Variants in CDC42BPB observed in about 807,000 individuals in gnomAD.
CDC42BPB encodes serine/threonine-protein kinase MRCK beta.
CDC42BPB carries 37 observed loss-of-function variants against 214.9 expected under a neutral mutation model. That is an observed-to-expected ratio of 0.17 (90% CI 0.13 to 0.23). The LOEUF (loss-of-function observed/expected upper bound fraction) is 0.23. Ranked by LOEUF, CDC42BPB falls within the 10% of genes least tolerant of loss-of-function variation. CDC42BPB has a pLI of 1.00. For missense variants in CDC42BPB, 1,694 were observed against 2,227.0 expected, an observed-to-expected ratio of 0.76 and a Z score of 4.82; for synonymous variants, 931 against 884.0, an observed-to-expected ratio of 1.05 and a Z score of -0.94.
At position 102,945,701 on chromosome 14, in the gene CDC42BPB, G is replaced by C; in HGVS notation, c.3772C>G (p.Leu1258Val). 3 of 1,612,876 alleles carry C rather than the reference G, an allele frequency of 1.9e-6. No homozygotes were observed. Among genetic ancestry groups the C allele is most frequent in the Middle Eastern group, 3.3e-4 (2 of 6,056 alleles). Residue 1258 changes from leucine (L) to valine (V), a missense_variant, in exon 29 of 37, where the codon CTA (leucine) becomes GTA (valine). Coordinates refer to ENST00000361246, the MANE Select transcript of CDC42BPB (RefSeq NM_006035.4). ...TCTATGACATAGAGCCCTTCTTCTA[G>C]GCCGACTGCAATCCTGTCTGCATCT... ...IVDADRIAVG[L>V]EEGLYVIEVT...
intron 26 of CDC42BPB, 85 bp downstream of exon 26, chr14:102,949,680 G>A: frequency 6.5e-7 from 1 of 1,541,458 alleles, no homozygotes; most frequent in Middle Eastern, 1.7e-4. Context: ...TGAGGTGAAA[G>A]ACTACTAAGG....
intron 1 of CDC42BPB, among the ~76,000 whole-genome samples, chr14:103,045,803 G>A (rs1304132122): frequency 6.6e-6 from 1 of 152,154 alleles, no homozygotes; most frequent in Non-Finnish European, 1.5e-5. Context: ...CCACAGCGGC[G>A]CATAATCACA....
rs1162961007 is a variant in CDC42BPB, at chr14:102,943,745, C to T, written c.4408+146G>A. The stretch of plus-strand genomic sequence containing the variant: ...GAGATCTGAACCATGCTCTCTGCTG[C>T]GGGCTGGCATGGGGCCCACCTCTCC... On this transcript the variant is annotated intron_variant, in intron 30 of 36. Coordinates refer to ENST00000361246, the MANE Select transcript of CDC42BPB (RefSeq NM_006035.4). The surrounding 1 kb of genome is among the most constrained non-coding windows in gnomAD (Gnocchi z 4.6). The T allele has an allele frequency of 1.3e-5, 9 of 669,034 alleles. No homozygotes were observed. Among genetic ancestry groups the T allele is most frequent in the East Asian group, 2.7e-5 (1 of 37,064 alleles). The allele number at this position is 669,034 out of a possible 1,614,324, so 41.4% of individuals were successfully genotyped here.
chr14:102,934,529 G>A (rs1284245047), intron 36 of CDC42BPB, among the ~76,000 whole-genome samples: 3 of 151,672 alleles, frequency 2.0e-5, no homozygotes, highest in African/African-American at 4.8e-5. Flanking sequence ...GCGAGACTCC[G>A]TCACAAAACA....
At chr14:102,972,289 G>C (rs1278200952) in intron 12 of CDC42BPB, 128 bp from the exon 13 acceptor site, 43 of 1,507,898 alleles carry the variant, frequency 2.9e-5, no homozygotes, top group South Asian at 6.7e-5. Context: ...TAGAGCCACA[G>C]ATCTGAGCTG....
chr14:103,041,648 G>A lies in CDC42BPB; in HGVS notation c.175+15351C>T, dbSNP rs140687251. 2.1e-4 allele frequency: 131 copies of A among 631,928 alleles called. 1 individual carries two copies. The East Asian group carries it at 2.8e-3, about 13-fold the overall frequency. 39.1% of individuals were successfully genotyped at this position (631,928 alleles called of 1,614,324 possible). A position where few individuals can be genotyped will look rare whatever the true frequency, so the allele number is the denominator to read the frequency against. Reference sequence around the variant, plus strand: ...CCCATCCGGCCCATCGTGTGGTGCCGCACAGTGCGAAATCACACCAAGGTG... The same window carrying A: ...CCCATCCGGCCCATCGTGTGGTGCCACACAGTGCGAAATCACACCAAGGTG... On this transcript the variant is annotated intron_variant, in intron 1 of 36. Transcript: ENST00000361246.
chr14:103,017,555 C>G (rs1249648062), intron 1 of CDC42BPB, among the ~76,000 whole-genome samples: 1 of 152,064 alleles, frequency 6.6e-6, no homozygotes, highest in Non-Finnish European at 1.5e-5. Flanking sequence ...AACCGCACAT[C>G]CCACAGGACA....
chr14:103,028,026 A>T (rs1887147160), intron 1 of CDC42BPB, among the ~76,000 whole-genome samples: 1 of 152,178 alleles, frequency 6.6e-6, no homozygotes, highest in Non-Finnish European at 1.5e-5. Flanking sequence ...GCTGCTTGGG[A>T]GGCTGAGGCA....
At chr14:102,954,791 C>A (rs1047757704) in intron 21 of CDC42BPB, 103 bp from the exon 22 acceptor site, 1 of 1,487,008 alleles carries the variant, frequency 6.7e-7, no homozygotes, top group Non-Finnish European at 9.0e-7. Flanking sequence ...TCTGTCTAGC[C>A]CAGAAGTCCC....
intron 1 of CDC42BPB, among the ~76,000 whole-genome samples, chr14:103,050,622 C>T (rs1234028429): frequency 7.1e-6 from 1 of 140,010 alleles, no homozygotes; most frequent in Non-Finnish European, 1.7e-5. Flanking sequence ...CCAGGTGTAG[C>T]GGTGTATGCC....
intron 27 of CDC42BPB, 55 bp from the exon 28 acceptor site, chr14:102,946,739 C>G: frequency 6.3e-7 from 1 of 1,595,486 alleles, no homozygotes; most frequent in Non-Finnish European, 8.5e-7. Flanking sequence ...CAAAGCCGCA[C>G]GCAGCTACCA....
At chr14:102,963,309 A>C in intron 19 of CDC42BPB, 154 bp from the exon 20 acceptor site, 1 of 982,710 alleles carries the variant, frequency 1.0e-6, no homozygotes, top group Non-Finnish European at 1.2e-6. Context: ...TACTGCAAAC[A>C]CCATGAACAG....
rs1449939532 is a variant in CDC42BPB at position 103,016,362 on chromosome 14, C to T, written c.176-4174G>A. ...TCCTCCCGCCTCCCAGCCTTGTAGT[C>T]TCCCTCCAGCACCTGCTTCAGGCAG... On this transcript the variant is annotated intron_variant, in intron 1 of 36. Transcript: ENST00000361246. Among the ~76,000 whole-genome samples the T allele has an allele frequency of 2.0e-5, 3 of 152,268 alleles. No individual in the cohort carries two copies. In the East Asian group the frequency reaches 5.8e-4, roughly 29 times the overall value.
rs1410299593 is a variant in CDC42BPB, at chr14:102,933,145, G to A, written c.*567C>T. ...GGACGCAGGGTGTCACTGGTCCTGG[G>A]CCTTTGTCCATGACTAGGTGGTCAG... is the stretch of plus-strand genomic sequence containing the variant. On this transcript the variant is annotated 3_prime_UTR_variant, in exon 37 of 37. Coordinates refer to ENST00000361246, the MANE Select transcript of CDC42BPB (RefSeq NM_006035.4). 2.0e-5 allele frequency: 3 copies of A among 152,510 alleles called. No homozygotes were observed. The highest frequency in any genetic ancestry group is 7.2e-5 in the African/African-American group (3 of 41,452). The allele number at this position is 152,510 out of a possible 1,614,324, so 9.4% of individuals were successfully genotyped here. A position where few individuals can be genotyped will look rare whatever the true frequency, so the allele number is the denominator to read the frequency against.
chr14:102,968,049 C>T (rs1378183219), intron 16 of CDC42BPB, among the ~76,000 whole-genome samples: 2 of 151,648 alleles, frequency 1.3e-5, no homozygotes, highest in Admixed American at 6.6e-5. Flanking sequence ...GAGCCAAGAT[C>T]GCGTCACTGC....
chr14:102,933,941 C>T lies in CDC42BPB; in HGVS notation c.5005-98G>A, dbSNP rs142510733. On this transcript the variant is annotated intron_variant, in intron 36 of 36. Coordinates refer to ENST00000361246, the MANE Select transcript of CDC42BPB (RefSeq NM_006035.4). ...CAAATGTTTGCTCAGGGACAACTGT[C>T]GCAACTGCTCTTCTCCCTTCATGTT... The T allele has an allele frequency of 1.2e-3, 1,741 of 1,439,336 alleles. 3 individuals carry two copies. The highest frequency in any genetic ancestry group is 1.8e-3 in the Admixed American group (48 of 27,206). The allele number at this position is 1,439,336 out of a possible 1,614,324, so 89.2% of individuals were successfully genotyped here.
rs34057640 is a variant in CDC42BPB at position 102,948,590 on chromosome 14, G to A, written c.3450-788C>T. Among the ~76,000 whole-genome samples, 132 of 54,370 alleles carry A rather than the reference G, an allele frequency of 2.4e-3. 2 individuals are homozygous for A. Among genetic ancestry groups the A allele is most frequent in the African/African-American group, 0.01 (126 of 12,158 alleles). The allele number at this position is 54,370 out of a possible 152,430, so 35.7% of individuals were successfully genotyped here. Reference sequence around the variant, plus strand: ...GGAGATGAGGGGGTGGGGTGGGTGCGGAGGTGGGGTGGGTGCAGAGGTGGG... The same window carrying A: ...GGAGATGAGGGGGTGGGGTGGGTGCAGAGGTGGGGTGGGTGCAGAGGTGGG... On this transcript the variant is annotated intron_variant, in intron 26 of 36. Transcript: ENST00000361246.
At chr14:103,032,671 T>C (rs1339585642) in intron 1 of CDC42BPB, among the ~76,000 whole-genome samples, 1 of 147,194 alleles carries the variant, frequency 6.8e-6, no homozygotes, top group Non-Finnish European at 1.5e-5. Flanking sequence ...CTCGCTCTGT[T>C]ACTCAGTCTG....
chr14:103,023,762 T>C (rs1209344225), intron 1 of CDC42BPB, among the ~76,000 whole-genome samples: 3 of 152,210 alleles, frequency 2.0e-5, no homozygotes, highest in Non-Finnish European at 4.4e-5. Context: ...ACTACTGGTA[T>C]TATATTAAAT....
Sources: allele counts gnomAD v4.1 joint callset (sites outside exome capture counted in the v4.1 genomes callset), GRCh38; gene constraint gnomAD v4.1.1; non-coding constraint Gnocchi (gnomAD v3.1); transcripts MANE v1.5; gene names NCBI Gene and HGNC (gene_info 2026-07-23, HGNC 2026-07-21).